The following GTF2IRD1 variants were observed in gnomAD, a reference collection of about 807,000 sequenced individuals.
The protein encoded by GTF2IRD1 is general transcription factor II-I repeat domain-containing protein 1.
GTF2IRD1 carries 26 observed loss-of-function variants against 113.2 expected under a neutral mutation model. The ratio of observed to expected loss-of-function variants is 0.23; its 90% confidence interval spans 0.17 to 0.32. The LOEUF (loss-of-function observed/expected upper bound fraction) is 0.32. GTF2IRD1 is among the 10% of genes least tolerant of loss of function. The pLI is 1.00. For missense variants in GTF2IRD1, 864 were observed against 1,280.8 expected, an observed-to-expected ratio of 0.67 and a Z score of 4.97; for synonymous variants, 484 against 529.1, an observed-to-expected ratio of 0.91 and a Z score of 1.17.
chr7:74,464,953 A>C (rs573565746), intron 1 of GTF2IRD1, among the ~76,000 whole-genome samples: 32 of 152,166 alleles, frequency 2.1e-4, no homozygotes, highest in African/African-American at 7.2e-4. Context: ...TGCAGGAAGG[A>C]AGGCCCTTGG....
chr7:74,550,037 CAA>C (rs34689973), intron 17 of GTF2IRD1, among the ~76,000 whole-genome samples: 1 of 142,148 alleles, frequency 7.0e-6, no homozygotes, highest in Non-Finnish European at 1.6e-5. Context: ...AACTCCATCT[CAA>C]AAAAAAAAAT....
chr7:74,462,757 G>T (rs1212926527), intron 1 of GTF2IRD1, among the ~76,000 whole-genome samples: 1 of 152,184 alleles, frequency 6.6e-6, no homozygotes, highest in Non-Finnish European at 1.5e-5. Context: ...CGGGGGAGCT[G>T]CTCATCTCCG....
intron 2 of GTF2IRD1, among the ~76,000 whole-genome samples, chr7:74,511,349 C>G (rs1475306681): frequency 1.3e-5 from 2 of 152,216 alleles, no homozygotes; most frequent in East Asian, 1.9e-4. Flanking sequence ...CCCACCAGCT[C>G]TGGGTGCCTT....
At chr7:74,546,203 A>T (rs12535276) in intron 16 of GTF2IRD1, among the ~76,000 whole-genome samples, 2 of 146,916 alleles carry the variant, frequency 1.4e-5, no homozygotes, top group Admixed American at 6.8e-5. Flanking sequence ...AGGCTAGGTG[A>T]TTCCCCATGT....
At chr7:74,467,967 G>A (rs1268266287) in intron 1 of GTF2IRD1, among the ~76,000 whole-genome samples, 11 of 152,152 alleles carry the variant, frequency 7.2e-5, no homozygotes, top group African/African-American at 2.7e-4. Context: ...ACACATGCTT[G>A]TGTGCATGCA....
At chr7:74,600,861 T>C (rs950579186) in intron 25 of GTF2IRD1, 183 bp from the exon 26 acceptor site, 34 of 636,562 alleles carry the variant, frequency 5.3e-5, no homozygotes, top group Non-Finnish European at 6.5e-5. Flanking sequence ...GGGCTTGCTT[T>C]GGGAAGGAGG....
chr7:74,575,917 C>T (rs1801018993), intron 22 of GTF2IRD1, among the ~76,000 whole-genome samples: 1 of 152,000 alleles, frequency 6.6e-6, no homozygotes, highest in African/African-American at 2.4e-5. Context: ...TGGCTCACGC[C>T]AGCACTCTGG....
Position 74,555,770 on chromosome 7 carries a change from C to T in GTF2IRD1, c.2023+276C>T, listed in dbSNP as rs1189008469. 2.2e-4 allele frequency among the ~76,000 whole-genome samples: 34 copies of T among 152,116 alleles called. No homozygotes were observed. The highest frequency in any genetic ancestry group is 8.0e-4 in the African/African-American group (33 of 41,426). On this transcript the variant is annotated intron_variant, in intron 19 of 26. Coordinates refer to ENST00000424337, the MANE Select transcript of GTF2IRD1 (RefSeq NM_005685.4). The surrounding 1 kb of genome is among the most constrained non-coding windows in gnomAD (Gnocchi z 5.3). Reference sequence around the variant, plus strand: ...CCCCACCCCCCAGAGGTAGCTGACACGCCCACTCCTTTTTCAGCAATCAGC... The same window carrying T: ...CCCCACCCCCCAGAGGTAGCTGACATGCCCACTCCTTTTTCAGCAATCAGC...
chr7:74,459,368 G>GAATT (rs1793210280), intron 1 of GTF2IRD1, among the ~76,000 whole-genome samples: 1 of 152,036 alleles, frequency 6.6e-6, no homozygotes, highest in Non-Finnish European at 1.5e-5. Context: ...TGAGGCAAGA[G>GAATT]AATTGCTTGA....
intron 8 of GTF2IRD1, among the ~76,000 whole-genome samples, chr7:74,528,091 C>T (rs1386636311): frequency 2.6e-5 from 4 of 152,210 alleles, no homozygotes; most frequent in South Asian, 4.1e-4. Context: ...TGTGCAACTA[C>T]TCGCCTGCCA....
chr7:74,478,018 C>A (rs1430723712), intron 1 of GTF2IRD1, among the ~76,000 whole-genome samples: 1 of 152,186 alleles, frequency 6.6e-6, no homozygotes, highest in Non-Finnish European at 1.5e-5. Context: ...TGTCTCCTGA[C>A]ACCCAGCCCC....
rs112317099 is a variant in GTF2IRD1, at chr7:74,496,707, C to T, written c.-6-11368C>T. On this transcript the variant is annotated intron_variant, in intron 1 of 26. Coordinates refer to ENST00000424337, the MANE Select transcript of GTF2IRD1 (RefSeq NM_005685.4). The stretch of plus-strand genomic sequence containing the variant: ...GTTGACTTGCTAGTGCTCACACTTA[C>T]CTCTGGGGCAGAGATGTGCTTGTTA... Among the ~76,000 whole-genome samples the T allele has an allele frequency of 3.9e-5, 6 of 152,000 alleles. 1 individual carries two copies. The highest frequency in any genetic ancestry group is 1.4e-4 in the African/African-American group (6 of 41,424).
chr7:74,492,931 T>C (rs1239239331), intron 1 of GTF2IRD1, among the ~76,000 whole-genome samples: 2 of 152,064 alleles, frequency 1.3e-5, no homozygotes, highest in Non-Finnish European at 2.9e-5. Flanking sequence ...AGTCTTCCTC[T>C]ACCCTATTTT....
chr7:74,569,037 G>A (rs1800524132), intron 22 of GTF2IRD1, among the ~76,000 whole-genome samples: 1 of 152,068 alleles, frequency 6.6e-6, no homozygotes, highest in Admixed American at 6.6e-5. Flanking sequence ...TGCAGCCGAG[G>A]TGAGACCAAA....
At position 74,544,660 on chromosome 7, in the gene GTF2IRD1, G is replaced by T. The variant is rs1798821775; in HGVS notation, c.1619-95G>T. On this transcript the variant is annotated intron_variant, in intron 14 of 26. Transcript: ENST00000424337. ...CCATGCTTCAGAGTTGGGGCCCCCT[G>T]GCCTGCCATTCCCCAGCTATCTGGC... 4 of 1,275,574 alleles carry T rather than the reference G, an allele frequency of 3.1e-6. No individual in the cohort carries two copies. The East Asian group carries it at 9.4e-5, about 30-fold the overall frequency. 79.0% of individuals were successfully genotyped at this position (1,275,574 alleles called of 1,614,324 possible).
chr7:74,542,512 G>A (rs1798689898), intron 14 of GTF2IRD1, among the ~76,000 whole-genome samples: 2 of 152,194 alleles, frequency 1.3e-5, no homozygotes, highest in Non-Finnish European at 2.9e-5. Context: ...TAATCACTGG[G>A]GACAAACAAG....
chr7:74,546,688 G>A (rs1244656454), intron 16 of GTF2IRD1, among the ~76,000 whole-genome samples: 1 of 152,192 alleles, frequency 6.6e-6, no homozygotes, highest in Non-Finnish European at 1.5e-5. Context: ...CCACAGCAGC[G>A]TGTGGGGTTG....
rs1424642172 is a variant in GTF2IRD1, at chr7:74,501,096, C to T, written c.-6-6979C>T. 2.0e-5 allele frequency among the ~76,000 whole-genome samples: 3 copies of T among 152,086 alleles called. No homozygotes were observed. In the East Asian group the frequency reaches 5.8e-4, roughly 29 times the overall value. On this transcript the variant is annotated intron_variant, in intron 1 of 26. Coordinates refer to ENST00000424337, the MANE Select transcript of GTF2IRD1 (RefSeq NM_005685.4). ...AGCTGTCCTGTAGGGCCACATTGGT[C>T]CTGGGTGCAGGACAAGCCCAGGCAG...
chr7:74,473,450 G>C (rs1554332871), intron 1 of GTF2IRD1, among the ~76,000 whole-genome samples: 1 of 151,424 alleles, frequency 6.6e-6, no homozygotes, highest in Non-Finnish European at 1.5e-5. Context: ...TTTGAGAGAG[G>C]GTCTTCCTCT....
Sources: allele counts gnomAD v4.1 joint callset (sites outside exome capture counted in the v4.1 genomes callset), GRCh38; gene constraint gnomAD v4.1.1; non-coding constraint Gnocchi (gnomAD v3.1); transcripts MANE v1.5; gene names NCBI Gene and HGNC (gene_info 2026-07-23, HGNC 2026-07-21).